Variants in RGS3 observed in about 807,000 individuals in gnomAD.
RGS3 encodes regulator of G protein signaling 3.
In RGS3, 80 loss-of-function variants were observed where a neutral mutation model predicts 132.6. That is an observed-to-expected ratio of 0.60 (90% CI 0.50 to 0.73). RGS3 has a LOEUF of 0.73. Among genes scored for constraint, RGS3 ranks in the 30% least tolerant of loss-of-function variants. The pLI is 0.00. For missense variants in RGS3, 1,382 were observed against 1,530.8 expected (o/e 0.90, Z 1.62); for synonymous variants, 598 against 620.6 (o/e 0.96, Z 0.54).
At chr9:113,490,611 T>A (rs1309342621) in intron 7 of RGS3, among the ~76,000 whole-genome samples, 1 of 121,812 alleles carries the variant, frequency 8.2e-6, no homozygotes, top group Non-Finnish European at 1.8e-5. Context: ...AATGCATATA[T>A]GTATTATATT....
intron 3 of RGS3, among the ~76,000 whole-genome samples, chr9:113,465,932 G>C (rs1225967572): frequency 6.6e-6 from 1 of 152,080 alleles, no homozygotes; most frequent in African/African-American, 2.4e-5. Context: ...CCTCTTTCAG[G>C]CTGCTGATTT....
intron 3 of RGS3, among the ~76,000 whole-genome samples, chr9:113,469,102 G>T (rs966614894): frequency 6.6e-6 from 1 of 150,476 alleles, no homozygotes; most frequent in East Asian, 1.9e-4. Context: ...GTTAGCTGGG[G>T]CCTGTTTCAC....
At chr9:113,498,284 G>T (rs1363603215) in intron 10 of RGS3, among the ~76,000 whole-genome samples, 6 of 152,180 alleles carry the variant, frequency 3.9e-5, no homozygotes, top group Non-Finnish European at 8.8e-5. Flanking sequence ...TCGTGGCAGG[G>T]GTGGGGAAAT....
intron 19 of RGS3, among the ~76,000 whole-genome samples, chr9:113,552,137 T>G (rs972450779): frequency 2.0e-5 from 3 of 152,222 alleles, no homozygotes; most frequent in Non-Finnish European, 4.4e-5. Flanking sequence ...TTATGGTTTA[T>G]TTTTTAACTC....
intron 19 of RGS3, among the ~76,000 whole-genome samples, chr9:113,573,517 C>T (rs536014090): frequency 2.6e-5 from 4 of 152,354 alleles, no homozygotes; most frequent in East Asian, 3.9e-4. Context: ...CCAGGCCCTC[C>T]TGCTTCCAAA....
chr9:113,588,556 C>T (rs1835245379), intron 20 of RGS3, among the ~76,000 whole-genome samples: 1 of 152,182 alleles, frequency 6.6e-6, no homozygotes, highest in Non-Finnish European at 1.5e-5. Context: ...ATCAAACTGC[C>T]CTGGGCATCT....
chr9:113,555,389 G>A (rs965924842), intron 19 of RGS3, among the ~76,000 whole-genome samples: 2 of 152,030 alleles, frequency 1.3e-5, no homozygotes, highest in African/African-American at 2.4e-5. Context: ...TGATCATGTC[G>A]GCTGGACCAT....
intron 1 of RGS3, among the ~76,000 whole-genome samples, chr9:113,453,232 TTATATGATTA>T (rs1453127473): frequency 3.0e-5 from 3 of 100,258 alleles, no homozygotes; most frequent in African/African-American, 1.2e-4. Context: ...AATATACTCA[TTATATGATTA>T]CATAATATAC....
chr9:113,586,349 A>G (rs1173533666), intron 20 of RGS3, among the ~76,000 whole-genome samples: 2 of 152,250 alleles, frequency 1.3e-5, no homozygotes, highest in Non-Finnish European at 2.9e-5. Context: ...ATTTATATAC[A>G]GATAAATTCA....
intron 18 of RGS3, among the ~76,000 whole-genome samples, chr9:113,532,740 G>A (rs1832523145): frequency 6.6e-6 from 1 of 152,192 alleles, no homozygotes. Flanking sequence ...TGAGGGGGCT[G>A]CCTCAGTATT....
intron 24 of RGS3, 34 bp from the exon 23 acceptor site, chr9:113,596,734 G>C: frequency 1.3e-6 from 2 of 1,572,848 alleles, no homozygotes; most frequent in Non-Finnish European, 1.7e-6. Flanking sequence ...TCCCCAGCAG[G>C]CAGCCCTGAC....
At position 113,541,927 on chromosome 9, in the gene RGS3, G is replaced by T. The variant is rs553846896; in HGVS notation, c.2037+5009G>T. On this transcript the variant is annotated intron_variant, in intron 19 of 24. Coordinates refer to ENST00000350696, the Ensembl canonical transcript of RGS3. Reference sequence around the variant, plus strand: ...GCCAGGCTCTATGCTAGGAGCTGGGGATACTGTGGAGAAAAAGTCGGATAT... The same window carrying T: ...GCCAGGCTCTATGCTAGGAGCTGGGTATACTGTGGAGAAAAAGTCGGATAT... 1.1e-5 allele frequency: 10 copies of T among 939,796 alleles called. No homozygotes were observed. The East Asian group carries it at 9.3e-4, about 87-fold the overall frequency. The allele number at this position is 939,796 out of a possible 1,614,324, so 58.2% of individuals were successfully genotyped here.
chr9:113,483,074 G>T lies in RGS3; in HGVS notation c.482G>T (p.Gly161Val), dbSNP rs148356011. 339 of 1,613,918 alleles carry T rather than the reference G, an allele frequency of 2.1e-4. No individual in the cohort carries two copies. Among genetic ancestry groups the T allele is most frequent in the Non-Finnish European group, 2.6e-4 (309 of 1,179,988 alleles). ...TCTCTTTTAGTTATAGAAGGTAAAG[G>T]CCTGATCAGCAAACAGCCTGGCACC... Residue 161 changes from glycine to valine, a missense_variant, in exon 5 of 25, where the codon GGC becomes GTC. Gly to Val is a moderately radical substitution (Grantham distance 109). Coordinates refer to ENST00000350696, the Ensembl canonical transcript of RGS3.
chr9:113,495,510 C>T (rs995345200), intron 7 of RGS3, among the ~76,000 whole-genome samples: 9 of 152,220 alleles, frequency 5.9e-5, no homozygotes, highest in Non-Finnish European at 1.3e-4. Flanking sequence ...TCATGAAGTA[C>T]CGCTGAGCTT....
At chr9:113,465,530 G>A (rs1010326799) in intron 3 of RGS3, among the ~76,000 whole-genome samples, 1 of 151,438 alleles carries the variant, frequency 6.6e-6, no homozygotes, top group Non-Finnish European at 1.5e-5. Context: ...GATCAAGTTT[G>A]TATGGACAAT....
rs149390211 is a variant in RGS3, at chr9:113,479,719, C to T, written c.466+178C>T. On this transcript the variant is annotated intron_variant, in intron 4 of 24. Transcript: ENST00000350696. Reference sequence around the variant, plus strand: ...ACCTGGGGCTCTTTCTATAGAGCAGCCCTGGTCCTGCCTTGGATGTGTCTG... The same window carrying T: ...ACCTGGGGCTCTTTCTATAGAGCAGTCCTGGTCCTGCCTTGGATGTGTCTG... Among the ~76,000 whole-genome samples the T allele has an allele frequency of 1.2e-4, 18 of 152,272 alleles. No individual in the cohort carries two copies. In the East Asian group the frequency reaches 3.1e-3, roughly 26 times the overall value.
rs765867269 is a variant in RGS3 at position 113,596,751 on chromosome 9, C to T, written c.3412-17C>T. The T allele has an allele frequency of 3.1e-6, 5 of 1,598,374 alleles. No individual in the cohort carries two copies. Among genetic ancestry groups the T allele is most frequent in the Non-Finnish European group, 4.3e-6 (5 of 1,172,592 alleles). On this transcript the variant is annotated splice_polypyrimidine_tract_variant and intron_variant, in intron 24 of 24. Coordinates refer to ENST00000350696, the Ensembl canonical transcript of RGS3. ...CCCAGCAGGCAGCCCTGACCATGTC[C>T]CCCTCTGCCTCCCCAGGTCAACCTG...
intron 1 of RGS3, among the ~76,000 whole-genome samples, chr9:113,448,239 C>T (rs1465317398): frequency 6.6e-6 from 1 of 152,102 alleles, no homozygotes; most frequent in African/African-American, 2.4e-5. Flanking sequence ...CCTTAAAACT[C>T]TCCTTTCCCC....
intron 3 of RGS3, among the ~76,000 whole-genome samples, chr9:113,475,634 T>A (rs1312751524): frequency 6.6e-6 from 1 of 152,110 alleles, no homozygotes; most frequent in African/African-American, 2.4e-5. Context: ...GGTGTCAAAC[T>A]CCTGGACTCA....
Sources: gnomAD v4.1 joint callset for allele counts (sites outside exome capture counted in the v4.1 genomes callset) on GRCh38, gnomAD v4.1.1 for gene constraint, MANE v1.5 for transcripts, NCBI Gene and HGNC (gene_info 2026-07-23, HGNC 2026-07-21) for gene names.